Variants in LINGO1 observed in about 807,000 individuals in gnomAD.
LINGO1 encodes the protein leucine rich repeat and Ig domain containing 1.
In LINGO1, 11 loss-of-function variants were observed where a neutral mutation model predicts 37.3. The observed-to-expected ratio is 0.29, with a 90% CI of 0.19 to 0.49. LINGO1 has a LOEUF of 0.49. Ranked by LOEUF, LINGO1 falls within the 20% of genes least tolerant of loss-of-function variation. LINGO1 has a pLI of 0.99. For synonymous variants in LINGO1, 387 were observed against 403.0 expected, an observed-to-expected ratio of 0.96 and a Z score of 0.48; for missense variants, 585 against 878.2, an observed-to-expected ratio of 0.67 and a Z score of 4.22.
chr15:77,614,709 C>T lies in LINGO1; in HGVS notation c.1198G>A (p.Glu400Lys), dbSNP rs758533900. The change falls in exon 2 of 2, where the codon GAG (glutamate) becomes AAG (lysine). Residue 400 changes from glutamate (E) to lysine (K), a missense_variant. Glu to Lys is a moderately conservative substitution (Grantham distance 56). Coordinates refer to ENST00000355300, the MANE Select transcript of LINGO1 (RefSeq NM_032808.7). ...TTGAACTCCTTGCCCTGGACAAACT[C>T]GGGCGTGGCGCACGTGGGCTGCTGC... Reference protein sequence around the residue: ...NRQQPTCATPEFVQGKEFKDF... With the variant: ...NRQQPTCATPKFVQGKEFKDF... The T allele has an allele frequency of 1.2e-5, 19 of 1,608,756 alleles. No homozygotes were observed. Among genetic ancestry groups the T allele is most frequent in the Admixed American group, 6.7e-5 (4 of 59,328 alleles).
chr15:77,616,931 C>T (rs1028723487), intron 1 of LINGO1, among the ~76,000 whole-genome samples: 17 of 152,330 alleles, frequency 1.1e-4, no homozygotes, highest in African/African-American at 4.1e-4. Context: ...CTGTCTGTCT[C>T]TCAGGGCTCC....
intron 3 of LINGO1, among the ~76,000 whole-genome samples, chr15:77,676,662 G>A (rs1596091768): frequency 1.3e-5 from 2 of 152,200 alleles, no homozygotes; most frequent in Admixed American, 6.5e-5. Flanking sequence ...ACTGGGCAGC[G>A]GCGGTGAAAA....
At chr15:77,744,566 G>A (rs1043427545) in intron 1 of LINGO1, among the ~76,000 whole-genome samples, 1 of 152,094 alleles carries the variant, frequency 6.6e-6, no homozygotes, top group Non-Finnish European at 1.5e-5. Flanking sequence ...AACAAAAGCC[G>A]CTAACTTGTA....
At chr15:77,750,646 A>C (rs1303121093) in intron 1 of LINGO1, among the ~76,000 whole-genome samples, 1 of 152,188 alleles carries the variant, frequency 6.6e-6, no homozygotes, top group Non-Finnish European at 1.5e-5. Flanking sequence ...TACGGCTTTT[A>C]CCATTCCCCT....
At chr15:77,732,886 A>G (rs1478298881) in intron 2 of LINGO1, among the ~76,000 whole-genome samples, 1 of 152,182 alleles carries the variant, frequency 6.6e-6, no homozygotes, top group Non-Finnish European at 1.5e-5. Context: ...CCATCCCACG[A>G]GTCATAAATA....
chr15:77,708,345 A>G (rs1172962781), intron 2 of LINGO1, among the ~76,000 whole-genome samples: 1 of 152,110 alleles, frequency 6.6e-6, no homozygotes, highest in Non-Finnish European at 1.5e-5. Flanking sequence ...GGAGGCTGGA[A>G]CCCTGTTGGG....
At chr15:77,806,800 T>C (rs2076963692) in intron 1 of LINGO1, among the ~76,000 whole-genome samples, 1 of 151,928 alleles carries the variant, frequency 6.6e-6, no homozygotes, top group Non-Finnish European at 1.5e-5. Flanking sequence ...TTGTCTCAAA[T>C]TCACACCACT....
At chr15:77,630,501 G>A (rs2074223571) in intron 1 of LINGO1, among the ~76,000 whole-genome samples, 1 of 152,118 alleles carries the variant, frequency 6.6e-6, no homozygotes, top group Admixed American at 6.5e-5. Context: ...CCCAATATAG[G>A]AGAAATGGAT....
intron 1 of LINGO1, among the ~76,000 whole-genome samples, chr15:77,757,087 G>A (rs1274146647): frequency 6.6e-6 from 1 of 152,234 alleles, no homozygotes; most frequent in Non-Finnish European, 1.5e-5. Flanking sequence ...AGATGCTGGA[G>A]GCCCTACTGC....
At position 77,813,987 on chromosome 15, in the gene LINGO1, G is replaced by T. The variant is rs561581548; in HGVS notation, c.-458+6271C>A. Among the ~76,000 whole-genome samples the T allele has an allele frequency of 4.0e-5, 6 of 150,282 alleles. No homozygotes were observed. The South Asian group carries it at 1.2e-3, about 31-fold the overall frequency. Reference sequence around the variant, plus strand: ...CCCTCACTCGTCCCTGGGCTCTCCTGCCCCCTAGGAAGCCCCCCCAATCTC... The same window carrying T: ...CCCTCACTCGTCCCTGGGCTCTCCTTCCCCCTAGGAAGCCCCCCCAATCTC... On this transcript the variant is annotated intron_variant, in intron 1 of 5. Coordinates refer to the LINGO1 transcript ENST00000562933.
chr15:77,633,526 C>G (rs1250884405), upstream of LINGO1, among the ~76,000 whole-genome samples: 1 of 152,218 alleles, frequency 6.6e-6, no homozygotes, highest in Non-Finnish European at 1.5e-5. Context: ...GAATGGGAAG[C>G]TCCAGGGGAC....
upstream of LINGO1, among the ~76,000 whole-genome samples, chr15:77,639,256 A>G (rs2074452376): frequency 6.6e-6 from 1 of 152,118 alleles, no homozygotes; most frequent in Non-Finnish European, 1.5e-5. Flanking sequence ...ACTGGGAGGT[A>G]ATACATATTT....
chr15:77,721,530 C>T (rs1292976248), intron 2 of LINGO1, among the ~76,000 whole-genome samples: 1 of 152,222 alleles, frequency 6.6e-6, no homozygotes, highest in Non-Finnish European at 1.5e-5. Flanking sequence ...ACATTGTTGG[C>T]ATTCTTTATT....
In LINGO1 at chr15:77,704,037, G is replaced by A. The variant is rs138370141; in HGVS notation, c.-194-13136C>T. On this transcript the variant is annotated intron_variant, in intron 2 of 3. Transcript: ENST00000561686. ...TCCGGGCTCTCCCACTTAACTAGCTGTGACCTCAGAAAGACACTTTATCTT... is the reference window on the plus strand; with the variant it reads ...TCCGGGCTCTCCCACTTAACTAGCTATGACCTCAGAAAGACACTTTATCTT... Among the ~76,000 whole-genome samples the A allele has an allele frequency of 2.7e-3, 406 of 152,316 alleles. 3 individuals are homozygous for A. The highest frequency in any genetic ancestry group is 9.2e-3 in the African/African-American group (383 of 41,568).
intron 2 of LINGO1, among the ~76,000 whole-genome samples, chr15:77,716,479 G>A (rs917249890): frequency 6.0e-5 from 9 of 149,200 alleles, no homozygotes; most frequent in Non-Finnish European, 1.3e-4. Context: ...GGAGTCAAGA[G>A]TCATCCTAGG....
In LINGO1 at chr15:77,617,661, C is replaced by T. The variant is rs577270657; in HGVS notation, c.7-1761G>A. Among the ~76,000 whole-genome samples, 104 of 152,370 alleles carry T rather than the reference C, an allele frequency of 6.8e-4. No homozygotes were observed. In the Middle Eastern group the frequency reaches 0.014, roughly 20 times the overall value. On this transcript the variant is annotated intron_variant, in intron 1 of 1. Coordinates refer to ENST00000355300, the MANE Select transcript of LINGO1 (RefSeq NM_032808.7). Reference sequence around the variant, plus strand: ...TCCATCCTTGTCATCCATGCATCAGCCATTAAGGCAACTGAGGCTCACAGA... The same window carrying T: ...TCCATCCTTGTCATCCATGCATCAGTCATTAAGGCAACTGAGGCTCACAGA...
chr15:77,710,688 C>A (rs2075907947), intron 2 of LINGO1, among the ~76,000 whole-genome samples: 1 of 152,258 alleles, frequency 6.6e-6, no homozygotes, highest in Non-Finnish European at 1.5e-5. Flanking sequence ...CTGAAGAAGA[C>A]TTCACAGAGC....
At chr15:77,786,567 G>A (rs370650561) in intron 1 of LINGO1, among the ~76,000 whole-genome samples, 2 of 152,294 alleles carry the variant, frequency 1.3e-5, no homozygotes, top group South Asian at 4.1e-4. Context: ...CTGCAATGGC[G>A]CCTGGAAAGT....
rs1045529777 is a variant in LINGO1 at position 77,617,998 on chromosome 15, G to C, written c.7-2098C>G. 2.6e-5 allele frequency among the ~76,000 whole-genome samples: 4 copies of C among 152,274 alleles called. No homozygotes were observed. In the South Asian group the frequency reaches 8.3e-4, roughly 32 times the overall value. The stretch of plus-strand genomic sequence containing the variant: ...GCTTCTCCCCACCCGACCCCCACCA[G>C]GCTATTTTCCACAGTCACACACGCT... On this transcript the variant is annotated intron_variant, in intron 1 of 1. Coordinates refer to ENST00000355300, the MANE Select transcript of LINGO1 (RefSeq NM_032808.7).
Sources: gnomAD v4.1 joint callset for allele counts (sites outside exome capture counted in the v4.1 genomes callset) on GRCh38, gnomAD v4.1.1 for gene constraint, MANE v1.5 for transcripts, NCBI Gene and HGNC (gene_info 2026-07-23, HGNC 2026-07-21) for gene names.